The following OR6C4 variants were observed in gnomAD, a reference collection of about 807,000 sequenced individuals.
The protein encoded by OR6C4 is olfactory receptor 6C4.
In OR6C4, 20 loss-of-function variants were observed where a neutral mutation model predicts 15.1. The ratio of observed to expected loss-of-function variants is 1.32; its 90% confidence interval spans 0.93 to 1.92. The LOEUF (loss-of-function observed/expected upper bound fraction) is 1.92, where lower values mean the gene tolerates loss of function less well. Ranked by LOEUF, OR6C4 falls within the 30% of genes most tolerant of loss-of-function variation. OR6C4 has a pLI of 0.00. For missense variants in OR6C4, 491 were observed against 363.2 expected (o/e 1.35, Z -2.86); for synonymous variants, 179 against 134.2 (o/e 1.33, Z -2.31).
At chr12:55,551,091 G>T (rs1873840882) in intron 1 of OR6C4, 118 bp from the exon 2 acceptor site, 7 of 663,448 alleles carry the variant, frequency 1.1e-5, no homozygotes, top group African/African-American at 1.8e-5. Flanking sequence ...TGGGACACTG[G>T]TTTGGGCCAT....
In OR6C4 at chr12:55,552,061, G is replaced by C. The variant is rs1873889327; in HGVS notation, c.835G>C (p.Val279Leu). 2 of 1,613,066 alleles carry C rather than the reference G, an allele frequency of 1.2e-6. No individual in the cohort carries two copies. ...AGGAATAGCTGTACTCATTACTTCG[G>C]TTACTCCCTTACTGAATCCCTTCAT... Reference protein sequence around the residue: ...NKGIAVLITSVTPLLNPFIYT... With the variant: ...NKGIAVLITSLTPLLNPFIYT... The change falls in exon 2 of 2, where the codon GTT becomes CTT. Residue 279 changes from valine (V) to leucine (L), a missense_variant. Physicochemically the swap from Val to Leu is conservative, Grantham distance 32. Coordinates refer to ENST00000641569, the MANE Select transcript of OR6C4 (RefSeq NM_001005494.2).
Position 55,552,077 on chromosome 12 carries a change from A to G in OR6C4, c.851A>G (p.Asn284Ser). The change falls in exon 2 of 2, where the codon AAT (asparagine) becomes AGT (serine). Residue 284 changes from asparagine (N) to serine (S), a missense_variant. Transcript: ENST00000641569. The stretch of plus-strand genomic sequence containing the variant: ...ATTACTTCGGTTACTCCCTTACTGA[A>G]TCCCTTCATATATACTTTAAGAAAT... ...VLITSVTPLLNPFIYTLRNQQ... is the reference protein window; with the variant it reads ...VLITSVTPLLSPFIYTLRNQQ... 6.2e-7 allele frequency: 1 copy of G among 1,612,602 alleles called. No homozygotes were observed. The highest frequency in any genetic ancestry group is 8.5e-7 in the Non-Finnish European group (1 of 1,179,548).
In OR6C4 at chr12:55,555,672, G is replaced by A. The variant is rs1318671374; in HGVS notation, c.*3516G>A. 2 of 152,132 alleles carry A rather than the reference G, an allele frequency of 1.3e-5. No homozygotes were observed. Among genetic ancestry groups the A allele is most frequent in the East Asian group, 3.9e-4 (2 of 5,192 alleles). 9.4% of individuals were successfully genotyped at this position (152,132 alleles called of 1,614,324 possible). A position where few individuals can be genotyped will look rare whatever the true frequency, so the allele number is the denominator to read the frequency against. ...ACGTGCCTGTAGTTCCAGCTACTTGGGAGGCTAAGGTACAAGAATCACTTG... is the reference window on the plus strand; with the variant it reads ...ACGTGCCTGTAGTTCCAGCTACTTGAGAGGCTAAGGTACAAGAATCACTTG... On this transcript the variant is annotated 3_prime_UTR_variant, in exon 2 of 2. Transcript: ENST00000641569.
chr12:55,550,119 G>A lies in OR6C4; in HGVS notation c.-19+1G>A, dbSNP rs537911698. ...ATGCAGTACTTGCCAAAGACCACAG[G>A]TTAGTATAAACAAGGAAAAGAGGGC... On this transcript the variant is annotated splice_donor_variant, in intron 1 of 1. Transcript: ENST00000641569. LOFTEE classifies it low-confidence loss of function (5UTR_SPLICE). 1.3e-5 allele frequency: 2 copies of A among 152,274 alleles called. No individual in the cohort carries two copies. Among genetic ancestry groups the A allele is most frequent in the South Asian group, 2.1e-4 (1 of 4,822 alleles). 9.4% of individuals were successfully genotyped at this position (152,274 alleles called of 1,614,324 possible).
chr12:55,551,862 G>A lies in OR6C4; in HGVS notation c.636G>A (p.Val212=). The change falls in exon 2 of 2, where the codon GTG becomes GTA. Residue 212 remains valine, a synonymous_variant. Coordinates refer to ENST00000641569, the MANE Select transcript of OR6C4 (RefSeq NM_001005494.2). ...VVTLMVTLVL[V]TLSYTYIIRT... ...CTCTCATGGTTACTCTGGTGCTGGT[G>A]ACACTTTCTTACACATACATTATCA... 1 of 1,613,826 alleles carries A rather than the reference G, an allele frequency of 6.2e-7. No individual in the cohort carries two copies. Among genetic ancestry groups the A allele is most frequent in the Non-Finnish European group, 8.5e-7 (1 of 1,179,916 alleles).
chr12:55,551,336 T>C lies in OR6C4; in HGVS notation c.110T>C (p.Ile37Thr). ...IFLFLTYMLS[I>T]LGNLTIITLT... Reference sequence around the variant, plus strand: ...CTGTTCCTCACCTACATGCTAAGTATCCTAGGAAATCTGACTATTATCACC... The same window carrying C: ...CTGTTCCTCACCTACATGCTAAGTACCCTAGGAAATCTGACTATTATCACC... Residue 37 changes from isoleucine to threonine, a missense_variant, in exon 2 of 2, where the codon ATC (isoleucine) becomes ACC (threonine). By Grantham distance (89) the Ile-to-Thr change is moderately conservative (BLOSUM62 -1). Transcript: ENST00000641569. 2 of 1,613,642 alleles carry C rather than the reference T, an allele frequency of 1.2e-6. No individual in the cohort carries two copies. The highest frequency in any genetic ancestry group is 1.7e-6 in the Non-Finnish European group (2 of 1,179,654).
chr12:55,551,523 T>C lies in OR6C4; in HGVS notation c.297T>C (p.Tyr99=), dbSNP rs974751573. 5.6e-6 allele frequency: 9 copies of C among 1,613,930 alleles called. No individual in the cohort carries two copies. Among genetic ancestry groups the C allele is most frequent in the Non-Finnish European group, 7.6e-6 (9 of 1,179,896 alleles). ...VISFAGCLTQ[Y]FFAIFLGATE... ...GCTTTGCTGGCTGCTTGACTCAGTA[T>C]TTTTTTGCTATATTTCTTGGAGCTA... is the stretch of plus-strand genomic sequence containing the variant. Residue 99 remains tyrosine (Y), a synonymous_variant, in exon 2 of 2, where the codon TAT becomes TAC. Coordinates refer to ENST00000641569, the MANE Select transcript of OR6C4 (RefSeq NM_001005494.2).
At position 55,551,388 on chromosome 12, in the gene OR6C4, GA is replaced by G. The variant is rs1873853616; in HGVS notation, c.163del (p.Thr55ProfsTer13). On this transcript the variant is annotated frameshift_variant, in exon 2 of 2. Transcript: ENST00000641569. LOFTEE classifies it high-confidence loss of function. The part of the protein sequence containing the change: ...TLTLLDPHLQ[T>X]PMYFFLRNFS... ...TCACCTTACTAGACCCCCACCTCCA[GA>G]CCCCCATGTATTTCTTCCTCCGGAA... is the stretch of plus-strand genomic sequence containing the variant. 1 of 1,613,438 alleles carries G rather than the reference GA, an allele frequency of 6.2e-7. No individual in the cohort carries two copies. Among genetic ancestry groups the G allele is most frequent in the Non-Finnish European group, 8.5e-7 (1 of 1,179,868 alleles).
rs1565721205 is a variant in OR6C4, at chr12:55,555,784, AC to A, written c.*3629del. 6.6e-6 allele frequency: 1 copy of A among 152,208 alleles called. No individual in the cohort carries two copies. Among genetic ancestry groups the A allele is most frequent in the Non-Finnish European group, 1.5e-5 (1 of 68,066 alleles). 9.4% of individuals were successfully genotyped at this position (152,208 alleles called of 1,614,324 possible). On this transcript the variant is annotated 3_prime_UTR_variant, in exon 2 of 2. Coordinates refer to ENST00000641569, the MANE Select transcript of OR6C4 (RefSeq NM_001005494.2). ...CACAGCAAGACTCTGTCTCAAAAAA[AC>A]ATAAAATAAAATAATAAAAAATGTT...
chr12:55,552,503 A>G lies in OR6C4; in HGVS notation c.*347A>G, dbSNP rs1472544207. 1 of 176,712 alleles carries G rather than the reference A, an allele frequency of 5.7e-6. No homozygotes were observed. The highest frequency in any genetic ancestry group is 2.4e-5 in the African/African-American group (1 of 41,786). The allele number at this position is 176,712 out of a possible 1,614,324, so 10.9% of individuals were successfully genotyped here. A position where few individuals can be genotyped will look rare whatever the true frequency, so the allele number is the denominator to read the frequency against. On this transcript the variant is annotated 3_prime_UTR_variant, in exon 2 of 2. Coordinates refer to ENST00000641569, the MANE Select transcript of OR6C4 (RefSeq NM_001005494.2). The stretch of plus-strand genomic sequence containing the variant: ...GTAGGAGGATAAGAATTTAGAGTGA[A>G]AAAGGAAACCAGATCATAAAAGTAA...
rs1357355608 is a variant in OR6C4 at position 55,553,177 on chromosome 12, A to C, written c.*1021A>C. On this transcript the variant is annotated 3_prime_UTR_variant, in exon 2 of 2. Coordinates refer to ENST00000641569, the MANE Select transcript of OR6C4 (RefSeq NM_001005494.2). ...TATATCTAGAATGTTCCAAATTATG[A>C]GTCTTGAAAAACAACTAGAAATAGA... The C allele has an allele frequency of 6.6e-6, 1 of 152,158 alleles. No individual in the cohort carries two copies. The highest frequency in any genetic ancestry group is 6.6e-5 in the Admixed American group (1 of 15,266). 9.4% of individuals were successfully genotyped at this position (152,158 alleles called of 1,614,324 possible).
chr12:55,551,109 G>T (rs1427288699), intron 1 of OR6C4, 100 bp from the exon 2 acceptor site: 4 of 740,676 alleles, frequency 5.4e-6, no homozygotes, highest in Non-Finnish European at 9.1e-6. Flanking sequence ...CATATGGATG[G>T]TGAGCAATGT....
Position 55,553,550 on chromosome 12 carries a change from A to C in OR6C4, c.*1394A>C, listed in dbSNP as rs1311510214. Reference sequence around the variant, plus strand: ...TATAATATTTTTGAAAAAGTATTTTATGTAAAGCTGTTGCTATTCTGAGTA... The same window carrying C: ...TATAATATTTTTGAAAAAGTATTTTCTGTAAAGCTGTTGCTATTCTGAGTA... On this transcript the variant is annotated 3_prime_UTR_variant, in exon 2 of 2. Coordinates refer to ENST00000641569, the MANE Select transcript of OR6C4 (RefSeq NM_001005494.2). 1 of 152,200 alleles carries C rather than the reference A, an allele frequency of 6.6e-6. No homozygotes were observed. The highest frequency in any genetic ancestry group is 1.5e-5 in the Non-Finnish European group (1 of 68,024). The allele number at this position is 152,200 out of a possible 1,614,324, so 9.4% of individuals were successfully genotyped here.
intron 1 of OR6C4, 143 bp downstream of exon 1, chr12:55,550,261 C>G (rs775409850): frequency 1.3e-5 from 2 of 152,098 alleles, no homozygotes; most frequent in African/African-American, 2.4e-5. Flanking sequence ...AGAGGGACCC[C>G]TTTATATTAT....
rs986679011 is a variant in OR6C4 at position 55,555,822 on chromosome 12, T to A, written c.*3666T>A. ...TAATAAAAAATGTTGCTTCTTTTCA[T>A]GGCTGAGTAGTATTTCATGGTGTAT... On this transcript the variant is annotated 3_prime_UTR_variant, in exon 2 of 2. Transcript: ENST00000641569. The A allele has an allele frequency of 1.3e-5, 2 of 152,208 alleles. No homozygotes were observed. Among genetic ancestry groups the A allele is most frequent in the African/African-American group, 4.8e-5 (2 of 41,460 alleles). 9.4% of individuals were successfully genotyped at this position (152,208 alleles called of 1,614,324 possible).
rs1167275883 is a variant in OR6C4, at chr12:55,552,860, GA to G, written c.*706del. 2 of 152,062 alleles carry G rather than the reference GA, an allele frequency of 1.3e-5. No individual in the cohort carries two copies. Among genetic ancestry groups the G allele is most frequent in the African/African-American group, 4.8e-5 (2 of 41,408 alleles). The allele number at this position is 152,062 out of a possible 1,614,324, so 9.4% of individuals were successfully genotyped here. On this transcript the variant is annotated 3_prime_UTR_variant, in exon 2 of 2. Coordinates refer to ENST00000641569, the MANE Select transcript of OR6C4 (RefSeq NM_001005494.2). Reference sequence around the variant, plus strand: ...AAACAGGTTTCTAGAGACAAGTTTAGAAGGCTTTCATTCTCCTAGACAAAAT... The same window carrying G: ...AAACAGGTTTCTAGAGACAAGTTTAGAGGCTTTCATTCTCCTAGACAAAAT...
At position 55,551,765 on chromosome 12, in the gene OR6C4, G is replaced by A; in HGVS notation, c.539G>A (p.Gly180Glu). ...CTGAATCACTATTACTGTGACTATG[G>A]GCCTCTCGTGGAGCTTGCCTGCTCA... is the stretch of plus-strand genomic sequence containing the variant. Reference protein sequence around the residue: ...NILNHYYCDYGPLVELACSDT... With the variant: ...NILNHYYCDYEPLVELACSDT... Residue 180 changes from glycine to glutamate, a missense_variant, in exon 2 of 2, where the codon GGG becomes GAG. Coordinates refer to ENST00000641569, the MANE Select transcript of OR6C4 (RefSeq NM_001005494.2). The A allele has an allele frequency of 6.2e-7, 1 of 1,613,540 alleles. No homozygotes were observed. The highest frequency in any genetic ancestry group is 8.5e-7 in the Non-Finnish European group (1 of 1,179,904).
At position 55,555,700 on chromosome 12, in the gene OR6C4, C is replaced by A. The variant is rs1421645680; in HGVS notation, c.*3544C>A. ...GGCTAAGGTACAAGAATCACTTGAA[C>A]CAGGGAGGCAGAGGTTGTAGTGAGC... On this transcript the variant is annotated 3_prime_UTR_variant, in exon 2 of 2. Coordinates refer to ENST00000641569, the MANE Select transcript of OR6C4 (RefSeq NM_001005494.2). 6.6e-6 allele frequency: 1 copy of A among 152,136 alleles called. No homozygotes were observed. Among genetic ancestry groups the A allele is most frequent in the Non-Finnish European group, 1.5e-5 (1 of 68,060 alleles). 9.4% of individuals were successfully genotyped at this position (152,136 alleles called of 1,614,324 possible).
rs1873856405 is a variant in OR6C4 at position 55,551,439 on chromosome 12, C to T, written c.213C>T (p.Phe71=). 3 of 1,613,776 alleles carry T rather than the reference C, an allele frequency of 1.9e-6. No individual in the cohort carries two copies. Among genetic ancestry groups the T allele is most frequent in the Non-Finnish European group, 2.5e-6 (3 of 1,179,900 alleles). The change falls in exon 2 of 2, where the codon TTC becomes TTT. Residue 71 remains phenylalanine (F), a synonymous_variant. Coordinates refer to ENST00000641569, the MANE Select transcript of OR6C4 (RefSeq NM_001005494.2). ...ATTTCTCCTTCTTAGAAATTTCCTT[C>T]ACATCCATTTTTATTCCCAGATTTC... ...LRNFSFLEIS[F]TSIFIPRFLT...
Sources: allele counts gnomAD v4.1 joint callset, GRCh38; gene constraint gnomAD v4.1.1; transcripts MANE v1.5; gene names NCBI Gene and HGNC (gene_info 2026-07-23, HGNC 2026-07-21).